Variants in CADPS2 observed in about 807,000 individuals in gnomAD.
The protein encoded by CADPS2 is calcium-dependent secretion activator 2.
CADPS2 carries 93 observed loss-of-function variants against 172.5 expected under a neutral mutation model. That is an observed-to-expected ratio of 0.54 (90% confidence interval 0.46 to 0.64). CADPS2 has a LOEUF of 0.64. Ranked by LOEUF, CADPS2 falls within the 30% of genes least tolerant of loss-of-function variation. The pLI, the probability that CADPS2 is intolerant of heterozygous loss-of-function variation, is 0.00. For missense variants in CADPS2, 1,420 were observed against 1,565.9 expected (o/e 0.91, Z 1.57); for synonymous variants, 546 against 555.2 (o/e 0.98, Z 0.23).
chr7:122,473,307 T>G (rs938736969), intron 13 of CADPS2, among the ~76,000 whole-genome samples: 35 of 152,194 alleles, frequency 2.3e-4, no homozygotes, highest in African/African-American at 8.4e-4. Flanking sequence ...TTCCTTTTTC[T>G]GTCTATAAAG....
chr7:122,719,844 T>A (rs2137038174), intron 2 of CADPS2, among the ~76,000 whole-genome samples: 3 of 152,216 alleles, frequency 2.0e-5, no homozygotes, highest in Admixed American at 2.0e-4. Flanking sequence ...ATTTATGGCT[T>A]TATCAAAATC....
At chr7:122,640,451 T>C (rs755377245) in intron 3 of CADPS2, among the ~76,000 whole-genome samples, 1 of 149,550 alleles carries the variant, frequency 6.7e-6, no homozygotes, top group Admixed American at 6.7e-5. Context: ...AAATAAGTGG[T>C]TGTGTGTGCA....
chr7:122,761,575 A>G (rs2093379500), intron 1 of CADPS2, among the ~76,000 whole-genome samples: 1 of 152,174 alleles, frequency 6.6e-6, no homozygotes, highest in African/African-American at 2.4e-5. Context: ...TAGAAGAATC[A>G]GACCAGCAGG....
Position 122,471,355 on chromosome 7 carries a change from G to T in CADPS2, c.2186+20C>A. The T allele has an allele frequency of 2.7e-6, 4 of 1,459,800 alleles. No individual in the cohort carries two copies. Among genetic ancestry groups the T allele is most frequent in the Non-Finnish European group, 3.7e-6 (4 of 1,085,198 alleles). The allele number at this position is 1,459,800 out of a possible 1,614,324, so 90.4% of individuals were successfully genotyped here. On this transcript the variant is annotated intron_variant, in intron 14 of 29. Transcript: ENST00000449022. ...TAGTCAACCCCATACATTTCACTTT[G>T]TATTTGCAAGTAAAAATACCTGTTG...
At chr7:122,543,582 G>T (rs2063318640) in intron 8 of CADPS2, among the ~76,000 whole-genome samples, 1 of 152,134 alleles carries the variant, frequency 6.6e-6, no homozygotes. Flanking sequence ...CCCACAAGAA[G>T]TTGATCTGAG....
At chr7:122,758,426 G>A (rs2093254347) in intron 1 of CADPS2, among the ~76,000 whole-genome samples, 1 of 152,094 alleles carries the variant, frequency 6.6e-6, no homozygotes, top group South Asian at 2.1e-4. Context: ...AATGACCACA[G>A]GGGTAAAACA....
intron 1 of CADPS2, among the ~76,000 whole-genome samples, chr7:122,747,017 C>G (rs1025018326): frequency 6.6e-6 from 1 of 152,154 alleles, no homozygotes; most frequent in African/African-American, 2.4e-5. Flanking sequence ...ATAATAGCCT[C>G]TAATGGTCCC....
At chr7:122,480,673 A>C (rs2057181677) in intron 12 of CADPS2, among the ~76,000 whole-genome samples, 179 bp downstream of exon 12, 1 of 152,074 alleles carries the variant, frequency 6.6e-6, no homozygotes. Flanking sequence ...GGTTGTTTCT[A>C]CTTTTTTTGT....
At chr7:122,369,559 AT>A (rs2041496357) in intron 25 of CADPS2, 1 of 152,116 alleles carries the variant, frequency 6.6e-6, no homozygotes, top group Admixed American at 6.5e-5. Flanking sequence ...TCACATCAAT[AT>A]TTTGACCCCA....
chr7:122,363,292 C>T (rs1022316942), intron 25 of CADPS2, among the ~76,000 whole-genome samples: 2 of 152,238 alleles, frequency 1.3e-5, no homozygotes, highest in Non-Finnish European at 2.9e-5. Context: ...TCATTTGCCA[C>T]GAGGACAGCG....
At chr7:122,664,559 T>C (rs2080977986) in intron 2 of CADPS2, among the ~76,000 whole-genome samples, 1 of 152,212 alleles carries the variant, frequency 6.6e-6, no homozygotes, top group Admixed American at 6.5e-5. Context: ...AATCTCTCTG[T>C]TCTGCTAAGT....
At chr7:122,697,654 G>T in intron 2 of CADPS2, 1 of 728,084 alleles carries the variant, frequency 1.4e-6, no homozygotes, top group Non-Finnish European at 2.2e-6. Flanking sequence ...TTTGAGGTTG[G>T]ACAAAGAATG....
At chr7:122,527,617 A>AGAGAGTGT in intron 8 of CADPS2, among the ~76,000 whole-genome samples, 54 of 83,878 alleles carry the variant, frequency 6.4e-4, no homozygotes, top group Middle Eastern at 7.5e-3. Flanking sequence ...AGAGAGAGAG[A>AGAGAGTGT]GTGTGTGTGT....
chr7:122,733,644 CCT>C (rs1161363838), intron 2 of CADPS2, among the ~76,000 whole-genome samples: 2 of 151,964 alleles, frequency 1.3e-5, no homozygotes, highest in African/African-American at 4.8e-5. Flanking sequence ...AAAATTCACA[CCT>C]CTGTTTAACT....
chr7:122,821,313 T>G (rs1045136881), intron 1 of CADPS2, among the ~76,000 whole-genome samples: 10 of 152,106 alleles, frequency 6.6e-5, no homozygotes, highest in African/African-American at 2.4e-4. Flanking sequence ...CTAGCCCGCC[T>G]CTTAGAACCT....
At chr7:122,354,014 T>A (rs1317760723) in intron 27 of CADPS2, among the ~76,000 whole-genome samples, 1 of 152,076 alleles carries the variant, frequency 6.6e-6, no homozygotes, top group African/African-American at 2.4e-5. Context: ...TTTTCCTTCA[T>A]AAGCCACTAT....
chr7:122,805,387 T>C (rs1174453176), intron 1 of CADPS2, among the ~76,000 whole-genome samples: 3 of 152,170 alleles, frequency 2.0e-5, no homozygotes, highest in African/African-American at 4.8e-5. Flanking sequence ...CTCAATCTCC[T>C]GACCTAGTGA....
intron 1 of CADPS2, among the ~76,000 whole-genome samples, chr7:122,789,626 AAT>A (rs1227469684): frequency 6.6e-6 from 1 of 152,242 alleles, no homozygotes; most frequent in Non-Finnish European, 1.5e-5. Context: ...TAAGAAAGTA[AAT>A]ACAGTTAAAA....
At chr7:122,595,135 AAAGAGT>A (rs1266788610) in intron 6 of CADPS2, among the ~76,000 whole-genome samples, 1 of 151,736 alleles carries the variant, frequency 6.6e-6, no homozygotes, top group African/African-American at 2.4e-5. Flanking sequence ...TTGTGGGACT[AAAGAGT>A]TAGATGTGTT....
Sources: gnomAD v4.1 joint callset for allele counts (sites outside exome capture counted in the v4.1 genomes callset) on GRCh38, gnomAD v4.1.1 for gene constraint, MANE v1.5 for transcripts, NCBI Gene and HGNC (gene_info 2026-07-23, HGNC 2026-07-21) for gene names.